XRCC5: variants seen among roughly 807,000 people sequenced by gnomAD.
XRCC5 encodes the protein DNA repair protein Ku80.
Under a neutral mutation model 95.7 loss-of-function variants are expected in XRCC5, and 12 were observed. The ratio of observed to expected loss-of-function variants is 0.13; its 90% CI spans 0.08 to 0.20. XRCC5 has a LOEUF of 0.20. Among genes scored for constraint, XRCC5 ranks in the 10% least tolerant of loss-of-function variants. The pLI, the probability that XRCC5 is intolerant of heterozygous loss-of-function variation, is 1.00. For synonymous variants in XRCC5, 281 were observed against 290.3 expected (o/e 0.97, Z 0.33); for missense variants, 595 against 873.9 (o/e 0.68, Z 4.02).
intron 13 of XRCC5, among the ~76,000 whole-genome samples, chr2:216,143,736 C>T (rs1348681072): frequency 1.3e-5 from 2 of 151,054 alleles, no homozygotes; most frequent in Admixed American, 1.3e-4. Flanking sequence ...GAGACGGAGT[C>T]TCACTCTGTC....
At chr2:216,185,147 G>T (rs1371376678) in intron 16 of XRCC5, among the ~76,000 whole-genome samples, 1 of 152,162 alleles carries the variant, frequency 6.6e-6, no homozygotes, top group Non-Finnish European at 1.5e-5. Flanking sequence ...AGTACCAAGG[G>T]ATGCTAAGGG....
intron 13 of XRCC5, among the ~76,000 whole-genome samples, chr2:216,143,905 G>A (rs1283910695): frequency 6.6e-6 from 1 of 151,356 alleles, no homozygotes; most frequent in East Asian, 1.9e-4. Flanking sequence ...TAGTAGAGAC[G>A]GGGTTTCGCT....
intron 16 of XRCC5, among the ~76,000 whole-genome samples, chr2:216,187,592 C>T (rs1019645441): frequency 4.7e-5 from 7 of 148,702 alleles, no homozygotes; most frequent in Admixed American, 1.4e-4. Context: ...TTTGTTTTTT[C>T]GCAAAGCAAT....
chr2:216,180,882 G>A (rs1344247153), intron 16 of XRCC5, among the ~76,000 whole-genome samples: 2 of 150,090 alleles, frequency 1.3e-5, no homozygotes, highest in Non-Finnish European at 3.0e-5. Context: ...GCGCGATCTC[G>A]GCTCACTGCA....
At chr2:216,147,264 G>C (rs1688653449) in intron 13 of XRCC5, among the ~76,000 whole-genome samples, 1 of 152,150 alleles carries the variant, frequency 6.6e-6, no homozygotes, top group African/African-American at 2.4e-5. Flanking sequence ...CCAAAGTTAG[G>C]ATGAGCTTGG....
chr2:216,126,664 CA>C (rs1249559419), intron 7 of XRCC5, among the ~76,000 whole-genome samples: 5 of 152,072 alleles, frequency 3.3e-5, no homozygotes, highest in African/African-American at 1.2e-4. Context: ...ACATTTTAGA[CA>C]TATAAAATAA....
intron 5 of XRCC5, among the ~76,000 whole-genome samples, chr2:216,120,178 T>C (rs1696779585): frequency 6.6e-6 from 1 of 152,204 alleles, no homozygotes; most frequent in Admixed American, 6.5e-5. Flanking sequence ...TTCAGAGAAA[T>C]TAAGTGCTTT....
chr2:216,149,609 C>CTG (rs916371269), intron 14 of XRCC5, among the ~76,000 whole-genome samples: 16 of 125,348 alleles, frequency 1.3e-4, no homozygotes, highest in East Asian at 6.2e-4. Context: ...GCTATTCTCT[C>CTG]TCTGTGTGTT....
At chr2:216,142,100 A>G (rs1295608410) in intron 13 of XRCC5, among the ~76,000 whole-genome samples, 2 of 152,122 alleles carry the variant, frequency 1.3e-5, no homozygotes, top group Admixed American at 6.5e-5. Context: ...TTTAACTCCT[A>G]GGCTCAAGCA....
At position 216,192,672 on chromosome 2, in the gene XRCC5, A is replaced by G; in HGVS notation, c.1978A>G (p.Lys660Glu). Residue 660 changes from lysine (K) to glutamate (E), a missense_variant, in exon 18 of 21, where the codon AAA becomes GAA. By Grantham distance (56) the Lys-to-Glu change is moderately conservative. This residue lies in a region of XRCC5 where 309 missense variants were observed against 382.9 expected (regional missense o/e 0.81). Transcript: ENST00000392132. ...AGAGCAGCGCTTTAACAACTTCCTG[A>G]AAGCCCTTCAAGAGAAAGTGGAAAT... ...SEEQRFNNFLKALQEKVEIKQ... is the reference protein window; with the variant it reads ...SEEQRFNNFLEALQEKVEIKQ... 1 of 1,600,898 alleles carries G rather than the reference A, an allele frequency of 6.2e-7. No homozygotes were observed. Among genetic ancestry groups the G allele is most frequent in the Non-Finnish European group, 8.5e-7 (1 of 1,173,018 alleles).
intron 3 of XRCC5, 93 bp downstream of exon 3, chr2:216,116,935 A>G (rs1423127343): frequency 1.4e-6 from 2 of 1,387,160 alleles, no homozygotes; most frequent in East Asian, 2.3e-5. Flanking sequence ...AGTTTCAGCT[A>G]TGAGTATATG....
chr2:216,119,208 T>A (rs1245687311), intron 5 of XRCC5, 43 bp downstream of exon 5: 2 of 1,610,100 alleles, frequency 1.2e-6, no homozygotes, highest in Non-Finnish European at 1.7e-6. Flanking sequence ...TCCTATGATT[T>A]CCTAATATAG....
chr2:216,169,377 C>T (rs1689112514), intron 16 of XRCC5, among the ~76,000 whole-genome samples: 2 of 152,158 alleles, frequency 1.3e-5, no homozygotes, highest in African/African-American at 4.8e-5. Flanking sequence ...TTGTAAAACC[C>T]ACTAGAACCA....
At chr2:216,131,235 A>C in intron 9 of XRCC5, 3 of 985,422 alleles carry the variant, frequency 3.0e-6, no homozygotes, top group Non-Finnish European at 3.6e-6. Context: ...GGGGAATGGA[A>C]GCGGAGATGA....
chr2:216,165,712 T>A (rs1239004518), intron 16 of XRCC5, among the ~76,000 whole-genome samples: 1 of 152,220 alleles, frequency 6.6e-6, no homozygotes, highest in African/African-American at 2.4e-5. Flanking sequence ...TCCAGTAAAT[T>A]TATTTTTTAA....
chr2:216,174,918 G>T, intron 16 of XRCC5: 1 of 341,810 alleles, frequency 2.9e-6, no homozygotes, highest in Non-Finnish European at 5.7e-6. Context: ...TACCATATCC[G>T]TCACGTCTAC....
At chr2:216,187,571 T>G (rs777129525) in intron 16 of XRCC5, among the ~76,000 whole-genome samples, 13 of 151,008 alleles carry the variant, frequency 8.6e-5, no homozygotes, top group Non-Finnish European at 1.6e-4. Context: ...TGTTTTGGTT[T>G]TTTGTTTTGC....
At chr2:216,202,239 A>G (rs1559265994) in intron 19 of XRCC5, among the ~76,000 whole-genome samples, 1 of 152,216 alleles carries the variant, frequency 6.6e-6, no homozygotes, top group Non-Finnish European at 1.5e-5. Flanking sequence ...ATGCAGCTCT[A>G]CTGTTTATTC....
chr2:216,171,182 G>A (rs1335966461), intron 16 of XRCC5, among the ~76,000 whole-genome samples: 1 of 152,214 alleles, frequency 6.6e-6, no homozygotes, highest in East Asian at 1.9e-4. Context: ...ACAGCTAGGA[G>A]TTCCACTTAA....
Sources: allele counts gnomAD v4.1 joint callset (sites outside exome capture counted in the v4.1 genomes callset), GRCh38; gene constraint gnomAD v4.1.1; regional missense constraint gnomAD v4.1.1; transcripts MANE v1.5; gene names NCBI Gene and HGNC (gene_info 2026-07-23, HGNC 2026-07-21).